The following DDHD1 variants were observed in gnomAD, a reference collection of about 807,000 sequenced individuals.
DDHD1 encodes DDHD domain containing 1.
In DDHD1, 49 loss-of-function variants were observed where a neutral mutation model predicts 96.4. The ratio of observed to expected loss-of-function variants is 0.51; its 90% confidence interval spans 0.40 to 0.64. The LOEUF (loss-of-function observed/expected upper bound fraction) is 0.64. Ranked by LOEUF, DDHD1 falls within the 30% of genes least tolerant of loss-of-function variation. DDHD1 has a pLI of 0.00. For missense variants in DDHD1, 1,106 were observed against 1,161.2 expected (o/e 0.95, Z 0.69); for synonymous variants, 442 against 446.5 (o/e 0.99, Z 0.13).
chr14:53,051,419 T>C (rs891794465), intron 12 of DDHD1, among the ~76,000 whole-genome samples: 17 of 152,012 alleles, frequency 1.1e-4, no homozygotes, highest in African/African-American at 4.1e-4. Flanking sequence ...ATGACATACC[T>C]ACAACCCTAA....
chr14:53,144,047 C>T (rs8011626), intron 1 of DDHD1, among the ~76,000 whole-genome samples: 111,319 of 152,078 alleles, frequency 0.73, 43,532 homozygotes, highest in East Asian at 0.96. Flanking sequence ...CCCAGTATTC[C>T]AAGATTAGGG....
Position 53,143,586 on chromosome 14 carries a change from A to G in DDHD1, c.838+8675T>C, listed in dbSNP as rs559269453. 2.6e-5 allele frequency among the ~76,000 whole-genome samples: 4 copies of G among 152,248 alleles called. No homozygotes were observed. The South Asian group carries it at 8.3e-4, about 32-fold the overall frequency. ...TATTCTGTATCTGTCCTGATTGGCT[A>G]GCGACTTAGAACTTTTTAAAAGAAG... On this transcript the variant is annotated intron_variant, in intron 1 of 12. Coordinates refer to ENST00000673822, the MANE Select transcript of DDHD1 (RefSeq NM_001160148.2).
chr14:53,140,521 ACT>A (rs1278171140), intron 1 of DDHD1, among the ~76,000 whole-genome samples: 1 of 152,162 alleles, frequency 6.6e-6, no homozygotes, highest in African/African-American at 2.4e-5. Flanking sequence ...ACAGAGCAAG[ACT>A]CTGTCTCAAA....
At chr14:53,097,421 C>T (rs896104443) in intron 2 of DDHD1, among the ~76,000 whole-genome samples, 1 of 151,958 alleles carries the variant, frequency 6.6e-6, no homozygotes, top group African/African-American at 2.4e-5. Context: ...ACAACATTTC[C>T]TTGTCACAGA....
chr14:53,134,833 A>G (rs750291982), intron 1 of DDHD1, among the ~76,000 whole-genome samples: 3 of 151,876 alleles, frequency 2.0e-5, no homozygotes, highest in Non-Finnish European at 4.4e-5. Context: ...CAGACCTTGT[A>G]TCTTCCATTT....
Position 53,052,379 on chromosome 14 carries a change from C to A in DDHD1, c.2438-452G>T, listed in dbSNP as rs191395034. 371 of 153,086 alleles carry A rather than the reference C, an allele frequency of 2.4e-3. 1 individual carries two copies. Among genetic ancestry groups the A allele is most frequent in the Non-Finnish European group, 4.2e-3 (286 of 68,536 alleles). The allele number at this position is 153,086 out of a possible 1,614,324, so 9.5% of individuals were successfully genotyped here. On this transcript the variant is annotated intron_variant, in intron 11 of 12. Coordinates refer to ENST00000673822, the MANE Select transcript of DDHD1 (RefSeq NM_001160148.2). ...AATTCTAAGCCTGTGCCCCATTTTA[C>A]CCTCAAATAGCAAGTGAATCAAAGT...
rs560421887 is a variant in DDHD1, at chr14:53,064,797, T to C, written c.1504-1592A>G. On this transcript the variant is annotated intron_variant, in intron 6 of 12. Coordinates refer to ENST00000673822, the MANE Select transcript of DDHD1 (RefSeq NM_001160148.2). ...ATGAGACATCTATGGTCAGACATTATGATTTTGAAAGCCAACTTTTTAAAC... is the reference window on the plus strand; with the variant it reads ...ATGAGACATCTATGGTCAGACATTACGATTTTGAAAGCCAACTTTTTAAAC... Among the ~76,000 whole-genome samples, 68 of 152,276 alleles carry C rather than the reference T, an allele frequency of 4.5e-4. 1 individual carries two copies. Among genetic ancestry groups the C allele is most frequent in the Non-Finnish European group, 7.9e-4 (54 of 67,966 alleles).
chr14:53,068,394 A>G (rs915292305), intron 6 of DDHD1, among the ~76,000 whole-genome samples: 2 of 151,440 alleles, frequency 1.3e-5, no homozygotes, highest in African/African-American at 4.9e-5. Flanking sequence ...TACAGCCCAA[A>G]CCACCATACA....
In DDHD1 at chr14:53,046,752, T is replaced by G. The variant is rs112663760; in HGVS notation, c.*16A>C. On this transcript the variant is annotated 3_prime_UTR_variant, in exon 13 of 13. Transcript: ENST00000673822. The stretch of plus-strand genomic sequence containing the variant: ...AAAAAAATCAGTTTTAGGCCATTCA[T>G]GTCCTTCAAGAGAGTTCAGATTGGA... The G allele has an allele frequency of 7.0e-7, 1 of 1,436,882 alleles. No individual in the cohort carries two copies. Among genetic ancestry groups the G allele is most frequent in the African/African-American group, 2.4e-5 (1 of 41,302 alleles). The allele number at this position is 1,436,882 out of a possible 1,614,324, so 89.0% of individuals were successfully genotyped here. A position where few individuals can be genotyped will look rare whatever the true frequency, so the allele number is the denominator to read the frequency against.
intron 4 of DDHD1, among the ~76,000 whole-genome samples, chr14:53,088,788 C>T (rs1308331073): frequency 2.0e-5 from 3 of 152,192 alleles, no homozygotes; most frequent in Admixed American, 2.0e-4. Flanking sequence ...TCTCACCACT[C>T]CTATTCTACA....
chr14:53,149,227 T>C (rs572594280), intron 1 of DDHD1, among the ~76,000 whole-genome samples: 1 of 152,228 alleles, frequency 6.6e-6, no homozygotes, highest in African/African-American at 2.4e-5. Flanking sequence ...TTAGAATAGG[T>C]ATAGCTAACT....
chr14:53,144,306 G>A (rs1391832020), intron 1 of DDHD1, among the ~76,000 whole-genome samples: 1 of 152,208 alleles, frequency 6.6e-6, no homozygotes, highest in African/African-American at 2.4e-5. Context: ...TATACAATGA[G>A]AATGTTAAGC....
chr14:53,134,870 T>C (rs1265867185), intron 1 of DDHD1, among the ~76,000 whole-genome samples: 1 of 152,170 alleles, frequency 6.6e-6, no homozygotes, highest in Admixed American at 6.5e-5. Context: ...CAAAACTGCA[T>C]CCAGGCCATC....
intron 1 of DDHD1, among the ~76,000 whole-genome samples, chr14:53,145,502 C>CAA (rs34747977): frequency 0.038 from 2,340 of 60,966 alleles, 59 homozygotes; most frequent in African/African-American, 0.055. Flanking sequence ...AACCTTGTCT[C>CAA]AAAAAAAAAA....
At chr14:53,148,394 C>G (rs867809133) in intron 1 of DDHD1, among the ~76,000 whole-genome samples, 10 of 152,046 alleles carry the variant, frequency 6.6e-5, no homozygotes, top group Middle Eastern at 3.4e-3. Context: ...CTCACTGCAA[C>G]CACTGCCTCC....
At position 53,054,491 on chromosome 14, in the gene DDHD1, G is replaced by A. The variant is rs1202658864; in HGVS notation, c.2384C>T (p.Thr795Ile). The A allele has an allele frequency of 6.2e-7, 1 of 1,614,130 alleles. No individual in the cohort carries two copies. Among genetic ancestry groups the A allele is most frequent in the East Asian group, 2.2e-5 (1 of 44,886 alleles). Residue 795 changes from threonine (T) to isoleucine (I), a missense_variant, in exon 11 of 13, where the codon ACC becomes ATC. Physicochemically the swap from Thr to Ile is moderately conservative, Grantham distance 89 (BLOSUM62 -1). This residue lies in a region of DDHD1 where 650 missense variants were observed against 758.8 expected (regional missense o/e 0.86). Transcript: ENST00000673822. ...ATGTGGAAGGGTCTGTGTCCCTACG[G>A]TGGTAGCAGAAGGTGAGGCAACTGG... ...KKPVASPSAT[T>I]VGTQTLPHSS...
chr14:53,128,388 G>A (rs746236953), intron 1 of DDHD1, among the ~76,000 whole-genome samples: 2 of 152,182 alleles, frequency 1.3e-5, no homozygotes, highest in Non-Finnish European at 2.9e-5. Context: ...CAAGGCACCA[G>A]CAGATTTGGT....
At chr14:53,122,705 C>G (rs150936850) in intron 1 of DDHD1, among the ~76,000 whole-genome samples, 2 of 151,520 alleles carry the variant, frequency 1.3e-5, no homozygotes, top group African/African-American at 2.4e-5. Flanking sequence ...ATTACAGGCA[C>G]CTGCCACCAT....
At chr14:53,136,039 G>T (rs892256987) in intron 1 of DDHD1, among the ~76,000 whole-genome samples, 4 of 152,090 alleles carry the variant, frequency 2.6e-5, no homozygotes, top group Non-Finnish European at 4.4e-5. Context: ...ATTTGTTTCT[G>T]CCCCACCCTA....
Sources: gnomAD v4.1 joint callset for allele counts (sites outside exome capture counted in the v4.1 genomes callset) on GRCh38, gnomAD v4.1.1 for gene constraint, gnomAD v4.1.1 regional missense constraint, MANE v1.5 for transcripts, NCBI Gene and HGNC (gene_info 2026-07-23, HGNC 2026-07-21) for gene names.